The following WDR3 variants were observed in gnomAD, a reference collection of about 807,000 sequenced individuals.
WDR3 encodes WD repeat-containing protein 3.
In WDR3, 81 loss-of-function variants were observed where a neutral mutation model predicts 123.7. That is an observed-to-expected ratio of 0.65 (90% CI 0.55 to 0.79). The LOEUF (loss-of-function observed/expected upper bound fraction) is 0.79. Among genes scored for constraint, WDR3 ranks in the 30% least tolerant of loss-of-function variants. The probability of loss-of-function intolerance (pLI) is 0.00; values close to 1 mark genes in which losing one functional copy is unlikely to be tolerated. For synonymous variants in WDR3, 390 were observed against 388.8 expected (o/e 1.00, Z -0.04); for missense variants, 1,027 against 1,123.2 (o/e 0.91, Z 1.22).
rs1312767452 is a variant in WDR3, at chr1:117,961,203, A to C, written c.*1756A>C. Reference sequence around the variant, plus strand: ...GAGGCTGAGACAGGAGAATCACTTGAACCCGGCAGGCGGAGATTGCAGTTA... The same window carrying C: ...GAGGCTGAGACAGGAGAATCACTTGCACCCGGCAGGCGGAGATTGCAGTTA... On this transcript the variant is annotated 3_prime_UTR_variant, in exon 27 of 27. Transcript: ENST00000349139. 1 of 152,218 alleles carries C rather than the reference A, an allele frequency of 6.6e-6. No homozygotes were observed. The highest frequency in any genetic ancestry group is 1.5e-5 in the Non-Finnish European group (1 of 68,066). The allele number at this position is 152,218 out of a possible 1,614,324, so 9.4% of individuals were successfully genotyped here. A position where few individuals can be genotyped will look rare whatever the true frequency, so the allele number is the denominator to read the frequency against.
At chr1:117,941,012 AATC>A in intron 7 of WDR3, 72 bp downstream of exon 7, 1 of 1,570,904 alleles carries the variant, frequency 6.4e-7, no homozygotes, top group Non-Finnish European at 8.7e-7. Flanking sequence ...ATTTTTAGGG[AATC>A]ATCACTTTAG....
intron 1 of WDR3, among the ~76,000 whole-genome samples, chr1:117,930,246 TG>T (rs1650658150): frequency 1.3e-5 from 2 of 152,148 alleles, no homozygotes; most frequent in South Asian, 4.1e-4. Flanking sequence ...AGGCGAAAGC[TG>T]TGCACGTGGA....
chr1:117,951,051 TTATA>T (rs1651591172), intron 16 of WDR3, among the ~76,000 whole-genome samples, 161 bp downstream of exon 16: 1 of 151,984 alleles, frequency 6.6e-6, no homozygotes, highest in African/African-American at 2.4e-5. Context: ...ATATTGTATC[TTATA>T]TATATTACTT....
chr1:117,948,537 T>A, intron 13 of WDR3, 31 bp downstream of exon 13: 1 of 1,572,186 alleles, frequency 6.4e-7, no homozygotes, highest in South Asian at 1.1e-5. Flanking sequence ...AGCCCTGGAG[T>A]TCAGCCCTGT....
At position 117,933,388 on chromosome 1, in the gene WDR3, A is replaced by C. The variant is rs779219383; in HGVS notation, c.69A>C (p.Lys23Asn). The C allele has an allele frequency of 8.7e-6, 14 of 1,614,068 alleles. No homozygotes were observed. Among genetic ancestry groups the C allele is most frequent in the Non-Finnish European group, 1.1e-5 (13 of 1,180,034 alleles). ...SAVFGVIGSQ[K>N]GNIVFVTLRG... ...TCTTTGGCGTTATCGGCAGCCAAAA[A>C]GGTAATATTGTCTTTGTGACACTTC... is the stretch of plus-strand genomic sequence containing the variant. Residue 23 changes from lysine to asparagine, a missense_variant, in exon 2 of 27, where the codon AAA (lysine) becomes AAC (asparagine). By Grantham distance (94) the Lys-to-Asn change is moderately conservative. Coordinates refer to ENST00000349139, the MANE Select transcript of WDR3 (RefSeq NM_006784.3).
chr1:117,954,235 A>T, intron 22 of WDR3, 136 bp downstream of exon 22: 1 of 748,854 alleles, frequency 1.3e-6, no homozygotes, highest in Non-Finnish European at 2.1e-6. Flanking sequence ...ACTATATTAG[A>T]AGAAATTGAG....
At chr1:117,931,932 A>G (rs948677092) in intron 1 of WDR3, among the ~76,000 whole-genome samples, 1 of 152,224 alleles carries the variant, frequency 6.6e-6, no homozygotes, top group Non-Finnish European at 1.5e-5. Context: ...TTAGACTAAA[A>G]CAGCATTTGA....
chr1:117,949,981 T>G lies in WDR3; in HGVS notation c.1611-14T>G. ...TACTCATTTATTTTTTCTTGATGTT[T>G]TTTGTGGTGCTAGACTTTCTGTGAA... On this transcript the variant is annotated splice_polypyrimidine_tract_variant and intron_variant, in intron 14 of 26. Coordinates refer to ENST00000349139, the MANE Select transcript of WDR3 (RefSeq NM_006784.3). 6.2e-7 allele frequency: 1 copy of G among 1,613,690 alleles called. No homozygotes were observed. The highest frequency in any genetic ancestry group is 8.5e-7 in the Non-Finnish European group (1 of 1,179,858).
At chr1:117,954,213 T>G (rs1327061424) in intron 22 of WDR3, 114 bp downstream of exon 22, 2 of 848,606 alleles carry the variant, frequency 2.4e-6, no homozygotes, top group Non-Finnish European at 3.6e-6. Context: ...TGGAATAGAA[T>G]CTTTCCAACT....
Position 117,946,094 on chromosome 1 carries a change from T to G in WDR3, c.1337T>G (p.Leu446Arg). 1 of 1,611,826 alleles carries G rather than the reference T, an allele frequency of 6.2e-7. No homozygotes were observed. Among genetic ancestry groups the G allele is most frequent in the Non-Finnish European group, 8.5e-7 (1 of 1,178,762 alleles). The change falls in exon 12 of 27, where the codon CTG (leucine) becomes CGG (arginine). Residue 446 changes from leucine to arginine, a missense_variant. By Grantham distance (102) the Leu-to-Arg change is moderately radical. Coordinates refer to ENST00000349139, the MANE Select transcript of WDR3 (RefSeq NM_006784.3). ...DSIKIWNRST[L>R]QCIRTMTCEY... ...TTTTTTCTTTCTCATAGGTCTACAC[T>G]GCAGTGTATTCGCACAATGACCTGT...
At chr1:117,954,420 A>G (rs114920443) in intron 22 of WDR3, among the ~76,000 whole-genome samples, 160 bp from the exon 23 acceptor site, 1,713 of 152,248 alleles carry the variant, frequency 0.011, 12 homozygotes, top group Non-Finnish European at 0.018. Flanking sequence ...TGAGTACTAT[A>G]GAAACTAACA....
At chr1:117,937,675 C>T (rs973165745) in intron 4 of WDR3, among the ~76,000 whole-genome samples, 2 of 152,042 alleles carry the variant, frequency 1.3e-5, no homozygotes, top group African/African-American at 2.4e-5. Flanking sequence ...TTATATGGGA[C>T]GGACTTTGTA....
At chr1:117,952,440 CTTAAGAAATACTTTTAAGAATAT>C in intron 18 of WDR3, 32 bp downstream of exon 18, 2 of 1,601,998 alleles carry the variant, frequency 1.2e-6, no homozygotes, top group Non-Finnish European at 1.7e-6. Context: ...TTGCTTGGTA[CTTAAGAAATACTTTTAAGAATAT>C]TTACATTACC....
chr1:117,959,146 G>C, intron 26 of WDR3, 143 bp downstream of exon 26: 1 of 1,315,886 alleles, frequency 7.6e-7, no homozygotes, highest in Non-Finnish European at 1.0e-6. Flanking sequence ...GAATTAGTAG[G>C]AATAGAAAAA....
At chr1:117,941,946 A>G in intron 9 of WDR3, 99 bp downstream of exon 9, 1 of 1,446,628 alleles carries the variant, frequency 6.9e-7, no homozygotes, top group African/African-American at 1.5e-5. Context: ...TGTCTTATCA[A>G]TTACCATTAA....
intron 1 of WDR3, among the ~76,000 whole-genome samples, chr1:117,932,306 A>G (rs1650758468): frequency 6.6e-6 from 1 of 152,234 alleles, no homozygotes; most frequent in South Asian, 2.1e-4. Flanking sequence ...ACAGACTTTC[A>G]TGTACTAGTA....
At chr1:117,942,629 T>C in intron 10 of WDR3, 85 bp downstream of exon 10, 1 of 1,226,696 alleles carries the variant, frequency 8.2e-7, no homozygotes, top group South Asian at 1.3e-5. Flanking sequence ...GTAAGCTGTC[T>C]GTATGAATTA....
Position 117,951,985 on chromosome 1 carries a change from C to T in WDR3, c.1813C>T (p.Leu605Phe). 1 of 1,613,010 alleles carries T rather than the reference C, an allele frequency of 6.2e-7. No individual in the cohort carries two copies. Among genetic ancestry groups the T allele is most frequent in the Non-Finnish European group, 8.5e-7 (1 of 1,179,268 alleles). ...CTTTTATTTCTCATAGGATGGAGCA[C>T]TCATAGCAACTGGCTCCGCTGATAG... ...ICMDISHDGA[L>F]IATGSADRNV... The change falls in exon 17 of 27, where the codon CTC (leucine) becomes TTC (phenylalanine). Residue 605 changes from leucine to phenylalanine, a missense_variant. Coordinates refer to ENST00000349139, the MANE Select transcript of WDR3 (RefSeq NM_006784.3).
In WDR3 at chr1:117,964,731, C is replaced by T. The variant is rs1031314900; in HGVS notation, c.*5284C>T. On this transcript the variant is annotated 3_prime_UTR_variant, in exon 27 of 27. Transcript: ENST00000349139. Reference sequence around the variant, plus strand: ...GGAATGTAAGCTACATAAAGGCAGGCGTTTCGGCATCTTTGAAAGCATAAA... The same window carrying T: ...GGAATGTAAGCTACATAAAGGCAGGTGTTTCGGCATCTTTGAAAGCATAAA... 2.0e-5 allele frequency: 3 copies of T among 152,164 alleles called. No individual in the cohort carries two copies. The highest frequency in any genetic ancestry group is 7.2e-5 in the African/African-American group (3 of 41,422). The allele number at this position is 152,164 out of a possible 1,614,324, so 9.4% of individuals were successfully genotyped here. A position where few individuals can be genotyped will look rare whatever the true frequency, so the allele number is the denominator to read the frequency against.
Sources: allele counts gnomAD v4.1 joint callset (sites outside exome capture counted in the v4.1 genomes callset), GRCh38; gene constraint gnomAD v4.1.1; transcripts MANE v1.5; gene names NCBI Gene and HGNC (gene_info 2026-07-23, HGNC 2026-07-21).